PHLPP1: variants seen among roughly 807,000 people sequenced by gnomAD.
PHLPP1 encodes the protein PH domain and leucine rich repeat protein phosphatase 1, also known as PH domain leucine-rich repeat-containing protein phosphatase 1.
PHLPP1 carries 42 observed loss-of-function variants against 117.2 expected under a neutral mutation model. That is an observed-to-expected ratio of 0.36 (90% CI 0.28 to 0.46). The LOEUF (loss-of-function observed/expected upper bound fraction) is 0.46. Ranked by LOEUF, PHLPP1 falls within the 20% of genes least tolerant of loss-of-function variation. The pLI, the probability that PHLPP1 is intolerant of heterozygous loss-of-function variation, is 1.00. For synonymous variants in PHLPP1, 1,042 were observed against 970.7 expected (o/e 1.07, Z -1.37); for missense variants, 2,084 against 2,241.9 (o/e 0.93, Z 1.42).
chr18:62,963,317 G>T, intron 13 of PHLPP1, 51 bp from the exon 14 acceptor site: 1 of 1,212,180 alleles, frequency 8.2e-7, no homozygotes, highest in Non-Finnish European at 1.2e-6. Flanking sequence ...GTAGCAATTT[G>T]CACACATTTG....
At chr18:62,961,250 C>A (rs376439075) in intron 13 of PHLPP1, among the ~76,000 whole-genome samples, 33 of 152,226 alleles carry the variant, frequency 2.2e-4, no homozygotes, top group African/African-American at 7.9e-4. Context: ...AGCCGTGTTA[C>A]GCTATTGTAC....
intron 4 of PHLPP1, 134 bp downstream of exon 4, chr18:62,860,735 C>T (rs111393543): frequency 2.6e-5 from 18 of 701,090 alleles, no homozygotes; most frequent in African/African-American, 2.1e-4. Flanking sequence ...GGTAATAGGA[C>T]TTTGTTTATT....
intron 1 of PHLPP1, among the ~76,000 whole-genome samples, chr18:62,738,092 A>G (rs1333625585): frequency 6.6e-6 from 1 of 152,138 alleles, no homozygotes; most frequent in South Asian, 2.1e-4. Flanking sequence ...TGGGTTCTGC[A>G]TTAATGGATT....
At chr18:62,877,982 A>G (rs1183937394) in intron 4 of PHLPP1, among the ~76,000 whole-genome samples, 1 of 152,202 alleles carries the variant, frequency 6.6e-6, no homozygotes, top group Non-Finnish European at 1.5e-5. Flanking sequence ...ATTTATTCCC[A>G]CTTAAATAGA....
intron 11 of PHLPP1, 139 bp from the exon 12 acceptor site, chr18:62,944,970 A>T (rs1910234827): frequency 1.7e-6 from 1 of 605,548 alleles, no homozygotes; most frequent in Admixed American, 3.8e-5. Flanking sequence ...CAGTACTCCA[A>T]AATGATAGTG....
At chr18:62,810,968 A>G (rs530194624) in intron 1 of PHLPP1, among the ~76,000 whole-genome samples, 3 of 152,346 alleles carry the variant, frequency 2.0e-5, no homozygotes, top group African/African-American at 4.8e-5. Context: ...ATACTGGATT[A>G]TAATGGACCC....
intron 12 of PHLPP1, among the ~76,000 whole-genome samples, 167 bp downstream of exon 12, chr18:62,945,438 G>A (rs945821248): frequency 7.9e-5 from 12 of 152,152 alleles, no homozygotes; most frequent in Admixed American, 2.0e-4. Context: ...CCGTTGAGTC[G>A]GCAGAGTTAA....
intron 14 of PHLPP1, among the ~76,000 whole-genome samples, chr18:62,964,965 A>T (rs192372753): frequency 6.6e-5 from 10 of 152,306 alleles, no homozygotes; most frequent in South Asian, 2.1e-4. Context: ...ATTTGTGTAC[A>T]GCAAAGTGCA....
At position 62,820,508 on chromosome 18, in the gene PHLPP1, A is replaced by G. The variant is rs995937534; in HGVS notation, c.1577-9527A>G. Among the ~76,000 whole-genome samples, 29 of 152,338 alleles carry G rather than the reference A, an allele frequency of 1.9e-4. 1 individual carries two copies. In the Middle Eastern group the frequency reaches 0.01, roughly 54 times the overall value. On this transcript the variant is annotated intron_variant, in intron 1 of 16. Transcript: ENST00000262719. The stretch of plus-strand genomic sequence containing the variant: ...TCAAAGGAGAGATCAGATGGAGGTA[A>G]TTGAATCATGGGGGCAGTTTCCCCG...
At chr18:62,763,155 C>T (rs891218840) in intron 1 of PHLPP1, among the ~76,000 whole-genome samples, 7 of 152,190 alleles carry the variant, frequency 4.6e-5, no homozygotes, top group South Asian at 4.1e-4. Context: ...CTTCTCCCTC[C>T]GGGCTATGCA....
intron 1 of PHLPP1, among the ~76,000 whole-genome samples, chr18:62,740,308 C>G (rs1399785573): frequency 6.6e-6 from 1 of 152,122 alleles, no homozygotes; most frequent in Non-Finnish European, 1.5e-5. Context: ...ATGGATATTT[C>G]TGAGATAGAT....
intron 1 of PHLPP1, among the ~76,000 whole-genome samples, chr18:62,746,823 G>A (rs2122080809): frequency 1.3e-5 from 2 of 151,670 alleles, no homozygotes; most frequent in Middle Eastern, 6.8e-3. Flanking sequence ...AAAAAAGTTT[G>A]CTGGTGCATA....
intron 1 of PHLPP1, among the ~76,000 whole-genome samples, chr18:62,820,272 A>C (rs1035578528): frequency 6.6e-6 from 1 of 152,230 alleles, no homozygotes; most frequent in African/African-American, 2.4e-5. Flanking sequence ...TCTTTCTCTC[A>C]ATCTTTGAAA....
intron 1 of PHLPP1, among the ~76,000 whole-genome samples, chr18:62,747,880 T>G (rs1911725025): frequency 6.6e-6 from 1 of 152,206 alleles, no homozygotes; most frequent in Non-Finnish European, 1.5e-5. Flanking sequence ...TTCAAATACA[T>G]CAGAATTTGT....
At chr18:62,966,276 G>A (rs1451136603) in intron 14 of PHLPP1, among the ~76,000 whole-genome samples, 1 of 151,940 alleles carries the variant, frequency 6.6e-6, no homozygotes, top group African/African-American at 2.4e-5. Context: ...AATGATAATG[G>A]TCATTACTAT....
intron 4 of PHLPP1, among the ~76,000 whole-genome samples, chr18:62,874,184 CAAAA>C (rs779092532): frequency 3.2e-5 from 2 of 63,218 alleles, no homozygotes; most frequent in Admixed American, 3.7e-4. Flanking sequence ...AACTCTGTCT[CAAAA>C]AAAAAAAAAA....
intron 1 of PHLPP1, among the ~76,000 whole-genome samples, chr18:62,718,278 A>C (rs768701627): frequency 4.1e-4 from 62 of 152,268 alleles, no homozygotes; most frequent in Middle Eastern, 3.4e-3. Context: ...AAGAGTGTTA[A>C]CTCTTCGCTA....
intron 4 of PHLPP1, among the ~76,000 whole-genome samples, chr18:62,873,062 T>C (rs905997238): frequency 2.6e-5 from 4 of 152,000 alleles, no homozygotes; most frequent in African/African-American, 7.3e-5. Context: ...CAAGTGCGTT[T>C]GGCCCAGTAT....
At chr18:62,935,984 C>T (rs768592452) in intron 10 of PHLPP1, among the ~76,000 whole-genome samples, 3 of 152,136 alleles carry the variant, frequency 2.0e-5, no homozygotes, top group Non-Finnish European at 2.9e-5. Flanking sequence ...GCTTGGGCAA[C>T]AGAGCAAGAC....
Sources: allele counts gnomAD v4.1 joint callset (sites outside exome capture counted in the v4.1 genomes callset), GRCh38; gene constraint gnomAD v4.1.1; transcripts MANE v1.5; gene names NCBI Gene and HGNC (gene_info 2026-07-23, HGNC 2026-07-21).